Variants in THOC2 observed in about 807,000 individuals in gnomAD.
THOC2 encodes the protein THO complex 2.
A neutral mutation model predicts 128.4 loss-of-function variants in THOC2; 10 were observed. The observed-to-expected ratio is 0.08, with a 90% CI of 0.05 to 0.13. The LOEUF (loss-of-function observed/expected upper bound fraction) is 0.13, where lower values mean the gene tolerates loss of function less well. Among genes scored for constraint, THOC2 ranks in the 10% least tolerant of loss-of-function variants. The pLI, the probability that THOC2 is intolerant of heterozygous loss-of-function variation, is 1.00. For synonymous variants in THOC2, 393 were observed against 396.9 expected (o/e 0.99, Z 0.12); for missense variants, 535 against 1,155.7 (o/e 0.46, Z 7.79).
intron 8 of THOC2, among the ~76,000 whole-genome samples, chrX:123,683,260 C>A (rs1045221537): frequency 9.1e-6 from 1 of 110,385 alleles, no homozygotes; most frequent in African/African-American, 3.3e-5. Context: ...CTCTCACTGT[C>A]GTTGATATCA....
intron 38 of THOC2, chrX:123,601,802 A>T (rs1274985830): frequency 8.9e-6 from 1 of 112,030 alleles, no homozygotes; most frequent in Non-Finnish European, 1.9e-5. Flanking sequence ...GCAATAGCTT[A>T]TTAAATAGAA....
intron 1 of THOC2, among the ~76,000 whole-genome samples, chrX:123,724,387 A>C (rs922745521): frequency 8.9e-6 from 1 of 112,224 alleles, no homozygotes; most frequent in Admixed American, 9.5e-5. Context: ...AAACCAAAAA[A>C]TAAAAAGGCA....
chrX:123,654,183 T>C (rs1389737991), intron 12 of THOC2, among the ~76,000 whole-genome samples: 3 of 109,554 alleles, frequency 2.7e-5, no homozygotes, highest in Admixed American at 9.8e-5. Context: ...CATGTTCTCA[T>C]TCGTAAGTGG....
At chrX:123,676,239 C>T (rs1466353796) in intron 8 of THOC2, among the ~76,000 whole-genome samples, 2 of 112,329 alleles carry the variant, frequency 1.8e-5, no homozygotes, top group African/African-American at 6.5e-5. Context: ...TTGGCAAAAG[C>T]CATACCAGCC....
At chrX:123,677,950 C>T (rs2049576486) in intron 8 of THOC2, among the ~76,000 whole-genome samples, 1 of 110,630 alleles carries the variant, frequency 9.0e-6, no homozygotes, top group Non-Finnish European at 1.9e-5. Context: ...ACACATGAGC[C>T]TAGGCCTACA....
chrX:123,622,296 G>A (rs1181876042), intron 30 of THOC2, among the ~76,000 whole-genome samples: 3 of 111,151 alleles, frequency 2.7e-5, no homozygotes, highest in African/African-American at 9.8e-5. Context: ...AGCTACTAGG[G>A]AGGCTGAAGC....
At chrX:123,727,899 A>G (rs1356688211) in intron 1 of THOC2, among the ~76,000 whole-genome samples, 1 of 113,052 alleles carries the variant, frequency 8.8e-6, no homozygotes, top group African/African-American at 3.2e-5. Context: ...AAGTTCCTTC[A>G]AGGACTTAAA....
At chrX:123,647,377 A>T (rs1264079748) in intron 12 of THOC2, among the ~76,000 whole-genome samples, 1 of 111,949 alleles carries the variant, frequency 8.9e-6, no homozygotes, top group Non-Finnish European at 1.9e-5. Flanking sequence ...ACATAATACT[A>T]TAAGTTTTAC....
intron 8 of THOC2, among the ~76,000 whole-genome samples, chrX:123,675,890 A>T (rs1295691870): frequency 1.8e-5 from 2 of 111,352 alleles, no homozygotes; most frequent in Non-Finnish European, 3.8e-5. Context: ...CAGTTTTTTT[A>T]AAGGCCTGGA....
chrX:123,706,467 C>T (rs1385676575), intron 3 of THOC2, among the ~76,000 whole-genome samples: 1 of 107,670 alleles, frequency 9.3e-6, no homozygotes, highest in African/African-American at 3.4e-5. Context: ...GTGTGCTGCA[C>T]CCATTAACTC....
rs771020058 is a variant in THOC2, at chrX:123,671,579, C to T, written c.861+90G>A. On this transcript the variant is annotated intron_variant, in intron 9 of 38. Transcript: ENST00000245838. ...TGAGACTTGAGAACCTCGAACCAAC[C>T]CAATCCTGGGGGTGCTATGTGGCTA... 170 of 491,946 alleles carry T rather than the reference C, an allele frequency of 3.5e-4. 1 individual carries two copies. The African/African-American group carries it at 3.6e-3, about 10-fold the overall frequency. The allele number at this position is 491,946 out of a possible 1,213,427, so 40.5% of individuals were successfully genotyped here.
intron 7 of THOC2, among the ~76,000 whole-genome samples, chrX:123,695,185 C>A (rs897197133): frequency 9.0e-6 from 1 of 111,305 alleles, no homozygotes; most frequent in African/African-American, 3.3e-5. Context: ...TAAGATACAA[C>A]TAGTGAGGCA....
chrX:123,607,246 A>G (rs1446340472), intron 38 of THOC2, among the ~76,000 whole-genome samples: 5 of 110,410 alleles, frequency 4.5e-5, no homozygotes, highest in African/African-American at 1.6e-4. Context: ...GACTGGAAGG[A>G]ATTTAATTAT....
At chrX:123,709,569 C>G (rs1440445153) in intron 2 of THOC2, among the ~76,000 whole-genome samples, 1 of 111,309 alleles carries the variant, frequency 9.0e-6, no homozygotes, top group Non-Finnish European at 1.9e-5. Context: ...CCAGCCTGGG[C>G]GATAGAGCGG....
chrX:123,719,794 G>A (rs1209724368), intron 1 of THOC2, among the ~76,000 whole-genome samples: 4 of 108,039 alleles, frequency 3.7e-5, no homozygotes, highest in Non-Finnish European at 7.7e-5. Context: ...GAAAGAAATA[G>A]GCATTGTGGT....
intron 8 of THOC2, among the ~76,000 whole-genome samples, chrX:123,681,027 T>C (rs73546089): frequency 0.011 from 1,242 of 110,612 alleles, 22 homozygotes; most frequent in African/African-American, 0.039. Flanking sequence ...CACGTCACCA[T>C]TGGAGGCTGC....
chrX:123,692,820 T>A (rs918914336), intron 7 of THOC2, among the ~76,000 whole-genome samples: 1 of 111,462 alleles, frequency 9.0e-6, no homozygotes, highest in Non-Finnish European at 1.9e-5. Context: ...GCCTTTTAAC[T>A]AAAGGATGAT....
intron 15 of THOC2, among the ~76,000 whole-genome samples, chrX:123,640,893 G>A (rs901422089): frequency 7.2e-5 from 8 of 111,534 alleles, no homozygotes; most frequent in Non-Finnish European, 1.3e-4. Context: ...CTAATAATCA[G>A]TAAAACTCTT....
At chrX:123,648,738 G>A (rs2048236296) in intron 12 of THOC2, among the ~76,000 whole-genome samples, 1 of 111,924 alleles carries the variant, frequency 8.9e-6, no homozygotes, top group African/African-American at 3.2e-5. Flanking sequence ...GCGTCACAAA[G>A]CTGGTGTAGC....
Sources: allele counts gnomAD v4.1 joint callset (sites outside exome capture counted in the v4.1 genomes callset), GRCh38; gene constraint gnomAD v4.1.1; transcripts MANE v1.5; gene names NCBI Gene and HGNC (gene_info 2026-07-23, HGNC 2026-07-21).